Variants in GIGYF2 observed in about 807,000 individuals in gnomAD.
GIGYF2 encodes the protein GRB10-interacting GYF protein 2.
In GIGYF2, 25 loss-of-function variants were observed where a neutral mutation model predicts 208.1. The observed-to-expected ratio is 0.12, with a 90% CI of 0.09 to 0.17. The LOEUF (loss-of-function observed/expected upper bound fraction) is 0.17, where lower values mean the gene tolerates loss of function less well. Ranked by LOEUF, GIGYF2 falls within the 10% of genes least tolerant of loss-of-function variation. GIGYF2 has a pLI of 1.00. For synonymous variants in GIGYF2, 534 were observed against 543.8 expected, an observed-to-expected ratio of 0.98 and a Z score of 0.25; for missense variants, 1,302 against 1,579.4, an observed-to-expected ratio of 0.82 and a Z score of 2.98.
chr2:232,737,267 C>T (rs1697773145), intron 3 of GIGYF2, among the ~76,000 whole-genome samples: 1 of 152,170 alleles, frequency 6.6e-6, no homozygotes, highest in Non-Finnish European at 1.5e-5. Context: ...TTTATTGATA[C>T]TCTGAAGTTT....
intron 14 of GIGYF2, among the ~76,000 whole-genome samples, chr2:232,796,917 T>G (rs947051851): frequency 1.3e-5 from 2 of 152,174 alleles, no homozygotes; most frequent in African/African-American, 4.8e-5. Context: ...GGATAATATT[T>G]AAGCAAATGT....
At chr2:232,841,899 T>C (rs1701827477) in intron 23 of GIGYF2, among the ~76,000 whole-genome samples, 1 of 152,202 alleles carries the variant, frequency 6.6e-6, no homozygotes, top group African/African-American at 2.4e-5. Flanking sequence ...TTTCTCCTGT[T>C]TTCCATCTCT....
At chr2:232,827,125 C>T (rs1276739094) in intron 21 of GIGYF2, among the ~76,000 whole-genome samples, 2 of 152,082 alleles carry the variant, frequency 1.3e-5, no homozygotes, top group East Asian at 1.9e-4. Context: ...GCGGTTAATG[C>T]GGCTGGTGAC....
chr2:232,728,189 C>T (rs929926500), intron 2 of GIGYF2, among the ~76,000 whole-genome samples: 1 of 152,002 alleles, frequency 6.6e-6, no homozygotes, highest in Non-Finnish European at 1.5e-5. Flanking sequence ...ATGCAGTGGA[C>T]GGTAGAAAGT....
chr2:232,720,879 G>A (rs1696913761), intron 2 of GIGYF2, among the ~76,000 whole-genome samples: 1 of 152,124 alleles, frequency 6.6e-6, no homozygotes, highest in Non-Finnish European at 1.5e-5. Context: ...ACAGGCATGA[G>A]CCACCGTGCC....
Position 232,744,724 on chromosome 2 carries a change from G to A in GIGYF2, c.42-2891G>A, listed in dbSNP as rs182429060. 1.4e-3 allele frequency among the ~76,000 whole-genome samples: 217 copies of A among 152,066 alleles called. 1 individual carries two copies. Among genetic ancestry groups the A allele is most frequent in the Non-Finnish European group, 4.9e-4 (33 of 67,988 alleles). On this transcript the variant is annotated intron_variant, in intron 3 of 28. Coordinates refer to ENST00000373563, the MANE Select transcript of GIGYF2 (RefSeq NM_001103146.3). ...TTTTTGTATTTTTTGTCAAGATGGG[G>A]TTTCATCGTGTTGCCCAGGCTGGTC...
At position 232,761,847 on chromosome 2, in the gene GIGYF2, C is replaced by CT. The variant is rs775990180; in HGVS notation, c.532+423dup. ...CATTTGGCCTTTTTGCTGTATAGTC[C>CT]TTTTTTTTTTTTCTTGTTTTGTGAT... is the stretch of plus-strand genomic sequence containing the variant. On this transcript the variant is annotated intron_variant, in intron 8 of 28. Transcript: ENST00000373563. 5.3e-3 allele frequency among the ~76,000 whole-genome samples: 730 copies of CT among 138,520 alleles called. 3 individuals are homozygous for CT. Among genetic ancestry groups the CT allele is most frequent in the Non-Finnish European group, 6.6e-3 (421 of 63,674 alleles). 90.9% of individuals were successfully genotyped at this position (138,520 alleles called of 152,430 possible). A position where few individuals can be genotyped will look rare whatever the true frequency, so the allele number is the denominator to read the frequency against.
chr2:232,755,217 C>T (rs1245199813), intron 5 of GIGYF2, among the ~76,000 whole-genome samples: 3 of 152,176 alleles, frequency 2.0e-5, no homozygotes, highest in Non-Finnish European at 2.9e-5. Context: ...GTCGCCCAGG[C>T]TAGAGTGCAG....
intron 8 of GIGYF2, among the ~76,000 whole-genome samples, chr2:232,780,386 A>G (rs911353264): frequency 6.6e-6 from 1 of 152,206 alleles, no homozygotes; most frequent in African/African-American, 2.4e-5. Context: ...TAGCACCTTT[A>G]CATAATTTGC....
chr2:232,853,372 G>T (rs1008335148), intron 28 of GIGYF2, among the ~76,000 whole-genome samples: 9 of 152,134 alleles, frequency 5.9e-5, no homozygotes, highest in Admixed American at 5.9e-4. Flanking sequence ...CACCTCCCGG[G>T]TTCAAGTGAT....
chr2:232,699,626 A>T (rs1312027505), intron 1 of GIGYF2, among the ~76,000 whole-genome samples: 1 of 152,238 alleles, frequency 6.6e-6, no homozygotes, highest in Non-Finnish European at 1.5e-5. Context: ...AGTACTTTTC[A>T]AAAGCAATTG....
intron 12 of GIGYF2, among the ~76,000 whole-genome samples, chr2:232,793,709 G>T (rs1700139515): frequency 6.6e-6 from 1 of 152,116 alleles, no homozygotes; most frequent in Non-Finnish European, 1.5e-5. Flanking sequence ...AAGAAGAAAA[G>T]AACTTTGAGT....
At chr2:232,776,600 T>C in intron 8 of GIGYF2, 1 of 685,344 alleles carries the variant, frequency 1.5e-6, no homozygotes, top group South Asian at 1.6e-5. Flanking sequence ...TTTATAATGT[T>C]GTGGGGGCTG....
At chr2:232,848,784 A>G (rs1373245162) in intron 27 of GIGYF2, among the ~76,000 whole-genome samples, 1 of 152,240 alleles carries the variant, frequency 6.6e-6, no homozygotes, top group East Asian at 1.9e-4. Context: ...AACTGGGAAT[A>G]TATGCCTTTA....
intron 8 of GIGYF2, chr2:232,765,808 G>C: frequency 2.4e-6 from 1 of 418,846 alleles, no homozygotes; most frequent in South Asian, 1.8e-5. Flanking sequence ...GTATGGGCTT[G>C]TACATATGTA....
intron 21 of GIGYF2, among the ~76,000 whole-genome samples, chr2:232,826,722 A>T (rs1443692279): frequency 6.6e-6 from 1 of 152,228 alleles, no homozygotes; most frequent in East Asian, 1.9e-4. Context: ...TGGGCAAAGG[A>T]TATGATTGAC....
intron 18 of GIGYF2, among the ~76,000 whole-genome samples, chr2:232,813,267 G>A (rs1019342987): frequency 2.0e-5 from 3 of 146,360 alleles, no homozygotes; most frequent in East Asian, 2.0e-4. Context: ...TCAGCTCATC[G>A]CAACCTCTGC....
chr2:232,804,746 G>C (rs1199775783), intron 14 of GIGYF2, among the ~76,000 whole-genome samples: 2 of 152,094 alleles, frequency 1.3e-5, no homozygotes, highest in Admixed American at 6.5e-5. Context: ...ACCCACCTTG[G>C]CCTCCTAAAA....
intron 14 of GIGYF2, among the ~76,000 whole-genome samples, chr2:232,800,176 G>T (rs879472262): frequency 6.6e-6 from 1 of 150,872 alleles, no homozygotes; most frequent in African/African-American, 2.4e-5. Context: ...TATGCCTTTG[G>T]TGTCATATCC....
Sources: gnomAD v4.1 joint callset for allele counts (sites outside exome capture counted in the v4.1 genomes callset) on GRCh38, gnomAD v4.1.1 for gene constraint, MANE v1.5 for transcripts, NCBI Gene and HGNC (gene_info 2026-07-23, HGNC 2026-07-21) for gene names.